CYP27C1: variants seen among roughly 807,000 people sequenced by gnomAD.
CYP27C1 encodes the protein cytochrome P450 27C1.
In CYP27C1, 29 loss-of-function variants were observed where a neutral mutation model predicts 40.6. The observed-to-expected ratio is 0.71, with a 90% CI of 0.53 to 0.97. CYP27C1 has a LOEUF of 0.97. CYP27C1 is among the 50% of genes least tolerant of loss of function. The pLI is 0.00. For synonymous variants in CYP27C1, 198 were observed against 186.8 expected (o/e 1.06, Z -0.49); for missense variants, 390 against 485.8 (o/e 0.80, Z 1.85).
chr2:127,210,147 A>G lies in CYP27C1; in HGVS notation c.283-4057T>C, dbSNP rs573941352. ...CCAGGTCACCTACAAAGGGAAGCCC[A>G]TCAGACTAACAGTGGATCTCTCAGC... On this transcript the variant is annotated intron_variant, in intron 1 of 8. Coordinates refer to ENST00000664447, the MANE Select transcript of CYP27C1 (RefSeq NM_001367502.1). Among the ~76,000 whole-genome samples the G allele has an allele frequency of 1.3e-3, 204 of 152,364 alleles. 1 individual carries two copies. The highest frequency in any genetic ancestry group is 4.6e-3 in the African/African-American group (193 of 41,596).
rs541212260 is a variant in CYP27C1 at position 127,191,064 on chromosome 2, G to C, written c.1497+2030C>G. Reference sequence around the variant, plus strand: ...AGTTCGGGACCAGCCTGGCCAACATGATGAATCCCCATCTCTACTTAAAAA... The same window carrying C: ...AGTTCGGGACCAGCCTGGCCAACATCATGAATCCCCATCTCTACTTAAAAA... On this transcript the variant is annotated intron_variant, in intron 8 of 8. Transcript: ENST00000664447. Among the ~76,000 whole-genome samples, 59 of 151,856 alleles carry C rather than the reference G, an allele frequency of 3.9e-4. 1 individual carries two copies. Among genetic ancestry groups the C allele is most frequent in the African/African-American group, 1.3e-3 (54 of 41,400 alleles).
rs1046155236 is a variant in CYP27C1 at position 127,200,725 on chromosome 2, G to A, written c.883+397C>T. ...ACTTGTAATCCCAGCACTTTAGGAG[G>A]TCAAGGTGGGTGATCACCTGAGGTC... On this transcript the variant is annotated intron_variant, in intron 4 of 8. Coordinates refer to ENST00000664447, the MANE Select transcript of CYP27C1 (RefSeq NM_001367502.1). This position sits in a 1 kb window ranked among gnomAD's most constrained non-coding sequence, Gnocchi z 4.2. Among the ~76,000 whole-genome samples the A allele has an allele frequency of 4.6e-5, 7 of 152,160 alleles. No homozygotes were observed. Among genetic ancestry groups the A allele is most frequent in the Admixed American group, 1.3e-4 (2 of 15,274 alleles).
In CYP27C1 at chr2:127,201,282, G is replaced by A. The variant is rs1683029020; in HGVS notation, c.723C>T (p.Ser241=). ...YESRLGCLEN[S]IPQLTVEYIE... The stretch of plus-strand genomic sequence containing the variant: ...TGTATTCCACAGTCAGCTGTGGGAT[G>A]CTGTTTTCCAGGCAGCCCAAACGAC... The change falls in exon 4 of 9, where the codon AGC becomes AGT. Residue 241 remains serine, a synonymous_variant. Coordinates refer to ENST00000664447, the MANE Select transcript of CYP27C1 (RefSeq NM_001367502.1). This position sits in a 1 kb window ranked among gnomAD's most constrained non-coding sequence, Gnocchi z 6.0. The A allele has an allele frequency of 1.9e-6, 3 of 1,614,062 alleles. No homozygotes were observed. The highest frequency in any genetic ancestry group is 2.7e-5 in the African/African-American group (2 of 74,920).
chr2:127,211,393 T>G (rs1449309944), intron 1 of CYP27C1, among the ~76,000 whole-genome samples: 2,073 of 127,758 alleles, frequency 0.016, 113 homozygotes, highest in African/African-American at 0.055. Context: ...TTTTTTTTTT[T>G]TTTTTTTGAG....
At chr2:127,204,605 GA>G (rs1399227019) in intron 2 of CYP27C1, among the ~76,000 whole-genome samples, 3 of 101,760 alleles carry the variant, frequency 2.9e-5, no homozygotes, top group South Asian at 5.0e-4. Flanking sequence ...AAGAAAGAAA[GA>G]AAGAAAGAAA....
rs1682988239 is a variant in CYP27C1 at position 127,199,686 on chromosome 2, G to C, written c.884-147C>G. On this transcript the variant is annotated intron_variant, in intron 4 of 8. Coordinates refer to ENST00000664447, the MANE Select transcript of CYP27C1 (RefSeq NM_001367502.1). ...AACCCAATTTATCTAACGTCAACCT[G>C]GGAGTTTCACTCATACACTTGCTTA... The C allele has an allele frequency of 6.9e-6, 5 of 720,626 alleles. No homozygotes were observed. The South Asian group carries it at 9.7e-5, about 14-fold the overall frequency. The allele number at this position is 720,626 out of a possible 1,614,324, so 44.6% of individuals were successfully genotyped here.
rs985321315 is a variant in CYP27C1, at chr2:127,201,870, G to T, written c.674-539C>A. 9.9e-5 allele frequency among the ~76,000 whole-genome samples: 15 copies of T among 152,208 alleles called. No individual in the cohort carries two copies. The highest frequency in any genetic ancestry group is 3.4e-4 in the African/African-American group (14 of 41,454). The stretch of plus-strand genomic sequence containing the variant: ...TGGCCAAAACGCAGAGCCCAGGCCT[G>T]GAGAGCTAAAGGCGCAGCAGAAGTG... On this transcript the variant is annotated intron_variant, in intron 3 of 8. Transcript: ENST00000664447. The surrounding 1 kb of genome is among the most constrained non-coding windows in gnomAD (Gnocchi z 6.0).
Position 127,201,054 on chromosome 2 carries a change from G to T in CYP27C1, c.883+68C>A. Reference sequence around the variant, plus strand: ...TGCTATGGTCACCCATTGTCTGGATGAGAGTTAGACACACAACACGGCAGG... The same window carrying T: ...TGCTATGGTCACCCATTGTCTGGATTAGAGTTAGACACACAACACGGCAGG... On this transcript the variant is annotated intron_variant, in intron 4 of 8. Coordinates refer to ENST00000664447, the MANE Select transcript of CYP27C1 (RefSeq NM_001367502.1). The surrounding 1 kb of genome is among the most constrained non-coding windows in gnomAD (Gnocchi z 6.0). 6.9e-7 allele frequency: 1 copy of T among 1,452,230 alleles called. No individual in the cohort carries two copies. Among genetic ancestry groups the T allele is most frequent in the South Asian group, 1.2e-5 (1 of 84,216 alleles). The allele number at this position is 1,452,230 out of a possible 1,614,324, so 90.0% of individuals were successfully genotyped here.
rs564500900 is a variant in CYP27C1 at position 127,195,401 on chromosome 2, T to C, written c.1148A>G (p.His383Arg). 3.1e-6 allele frequency: 5 copies of C among 1,614,150 alleles called. No individual in the cohort carries two copies. The South Asian group carries it at 4.4e-5, about 14-fold the overall frequency. The change falls in exon 6 of 9, where the codon CAT becomes CGT. Residue 383 changes from histidine (H) to arginine (R), a missense_variant. By Grantham distance (29) the His-to-Arg change is conservative. Transcript: ENST00000664447. The surrounding 1 kb of genome is among the most constrained non-coding windows in gnomAD (Gnocchi z 6.2). Reference protein sequence around the residue: ...REIVKNLGERHVPTAADVPKV... With the variant: ...REIVKNLGERRVPTAADVPKV... ...GGGGACATCAGCTGCAGTTGGAACA[T>C]GCCTTTCCCCTAAATTCTTCACAAT...
chr2:127,205,358 G>A (rs1172544293), intron 2 of CYP27C1, among the ~76,000 whole-genome samples: 1 of 152,188 alleles, frequency 6.6e-6, no homozygotes, highest in African/African-American at 2.4e-5. Flanking sequence ...TTTGGACCGG[G>A]GCATCTGCAG....
At chr2:127,197,714 C>T (rs1408766138) in intron 5 of CYP27C1, among the ~76,000 whole-genome samples, 1 of 152,214 alleles carries the variant, frequency 6.6e-6, no homozygotes, top group Non-Finnish European at 1.5e-5. Flanking sequence ...CCACTGAAAG[C>T]ATCAGCCTAG....
In CYP27C1 at chr2:127,203,848, T is replaced by G. The variant is rs550548745; in HGVS notation, c.474-277A>C. Among the ~76,000 whole-genome samples the G allele has an allele frequency of 1.1e-4, 16 of 152,220 alleles. No individual in the cohort carries two copies. The South Asian group carries it at 3.3e-3, about 32-fold the overall frequency. On this transcript the variant is annotated intron_variant, in intron 2 of 8. Coordinates refer to ENST00000664447, the MANE Select transcript of CYP27C1 (RefSeq NM_001367502.1). The stretch of plus-strand genomic sequence containing the variant: ...TAATCTTTAGTAAAAGTAATACGAC[T>G]TCCTTTAAAAAATCTTGAAATAATA...
At chr2:127,206,668 T>C (rs192647714) in intron 1 of CYP27C1, among the ~76,000 whole-genome samples, 12 of 152,270 alleles carry the variant, frequency 7.9e-5, no homozygotes, top group African/African-American at 2.9e-4. Flanking sequence ...GAGAGAAATG[T>C]CATTATAAGA....
At chr2:127,214,338 TAA>T (rs1220760812) in intron 1 of CYP27C1, among the ~76,000 whole-genome samples, 1 of 152,216 alleles carries the variant, frequency 6.6e-6, no homozygotes, top group African/African-American at 2.4e-5. Flanking sequence ...CAAAGGAATA[TAA>T]GTCATTCTAC....
chr2:127,187,013 A>G lies in CYP27C1; in HGVS notation c.*258T>C. The G allele has an allele frequency of 2.2e-6, 1 of 448,936 alleles. No homozygotes were observed. Among genetic ancestry groups the G allele is most frequent in the Non-Finnish European group, 4.1e-6 (1 of 246,432 alleles). 27.8% of individuals were successfully genotyped at this position (448,936 alleles called of 1,614,324 possible). A position where few individuals can be genotyped will look rare whatever the true frequency, so the allele number is the denominator to read the frequency against. ...GTCTAGCACAATGTATGAAGCATAA[A>G]AATTCACTGCCACTGGTTTTTAAAC... is the stretch of plus-strand genomic sequence containing the variant. On this transcript the variant is annotated 3_prime_UTR_variant, in exon 9 of 9. Transcript: ENST00000664447.
intron 2 of CYP27C1, among the ~76,000 whole-genome samples, chr2:127,205,165 T>C (rs1385470671): frequency 6.6e-6 from 1 of 152,214 alleles, no homozygotes; most frequent in Non-Finnish European, 1.5e-5. Flanking sequence ...CCTCTAGGCC[T>C]GAACATCCAG....
In CYP27C1 at chr2:127,184,996, T is replaced by C. The variant is rs1474411442; in HGVS notation, c.*2275A>G. 4 of 152,186 alleles carry C rather than the reference T, an allele frequency of 2.6e-5. No individual in the cohort carries two copies. Among genetic ancestry groups the C allele is most frequent in the Non-Finnish European group, 4.4e-5 (3 of 68,108 alleles). 9.4% of individuals were successfully genotyped at this position (152,186 alleles called of 1,614,324 possible). On this transcript the variant is annotated 3_prime_UTR_variant, in exon 9 of 9. Coordinates refer to ENST00000664447, the MANE Select transcript of CYP27C1 (RefSeq NM_001367502.1). Reference sequence around the variant, plus strand: ...CACCACACTCAGCTAAGTTTTTTGATTTTTAGTAGACAGGATCTCACTGTG... The same window carrying C: ...CACCACACTCAGCTAAGTTTTTTGACTTTTAGTAGACAGGATCTCACTGTG...
Position 127,208,481 on chromosome 2 carries a change from ACTGAACTC to A in CYP27C1, c.283-2399_283-2392del, listed in dbSNP as rs1165232872. Among the ~76,000 whole-genome samples, 1 of 152,198 alleles carries A rather than the reference ACTGAACTC, an allele frequency of 6.6e-6. No homozygotes were observed. The highest frequency in any genetic ancestry group is 2.4e-5 in the African/African-American group (1 of 41,456). On this transcript the variant is annotated intron_variant, in intron 1 of 8. Coordinates refer to ENST00000664447, the MANE Select transcript of CYP27C1 (RefSeq NM_001367502.1). This position sits in a 1 kb window ranked among gnomAD's most constrained non-coding sequence, Gnocchi z 5.2. ...TCTCAGCTGGAATCTGTTTAAGCCT[ACTGAACTC>A]CTGAGGGGATGGGCGACCAGCACCA... is the stretch of plus-strand genomic sequence containing the variant.
At chr2:127,204,555 GAGAAAGAAAGAAAGAAAGAA>G (rs1169099297) in intron 2 of CYP27C1, among the ~76,000 whole-genome samples, 15 of 39,184 alleles carry the variant, frequency 3.8e-4, no homozygotes, top group African/African-American at 8.5e-4. Context: ...GAGAGAGAGA[GAGAAAGAAAGAAAGAAAGAA>G]AGAAAGAAAG....
Sources: gnomAD v4.1 joint callset for allele counts (sites outside exome capture counted in the v4.1 genomes callset) on GRCh38, gnomAD v4.1.1 for gene constraint, Gnocchi (gnomAD v3.1) non-coding constraint, MANE v1.5 for transcripts, NCBI Gene and HGNC (gene_info 2026-07-23, HGNC 2026-07-21) for gene names.